ARHGEF18: variants seen among roughly 807,000 people sequenced by gnomAD.
The protein encoded by ARHGEF18 is rho guanine nucleotide exchange factor 18.
A neutral mutation model predicts 155.7 loss-of-function variants in ARHGEF18; 93 were observed. That is an observed-to-expected ratio of 0.60 (90% CI 0.50 to 0.71). The LOEUF (loss-of-function observed/expected upper bound fraction) is 0.71. Among genes scored for constraint, ARHGEF18 ranks in the 30% least tolerant of loss-of-function variants. ARHGEF18 has a pLI of 0.00. For synonymous variants in ARHGEF18, 742 were observed against 753.1 expected, an observed-to-expected ratio of 0.99 and a Z score of 0.24; for missense variants, 1,593 against 1,816.1, an observed-to-expected ratio of 0.88 and a Z score of 2.23.
At chr19:7,404,664 C>T (rs1386158645) in intron 10 of ARHGEF18, among the ~76,000 whole-genome samples, 1 of 151,718 alleles carries the variant, frequency 6.6e-6, no homozygotes, top group Non-Finnish European at 1.5e-5. Flanking sequence ...TTTGCCATGT[C>T]TCTATTAAAA....
chr19:7,409,808 C>T lies in ARHGEF18; in HGVS notation c.967+26605C>T, dbSNP rs181255497. ...TTATTGAGATGGAGTCTCACTCTGTCGCCTAGGCTGGAGTGCAGTGGTGCA... is the reference window on the plus strand; with the variant it reads ...TTATTGAGATGGAGTCTCACTCTGTTGCCTAGGCTGGAGTGCAGTGGTGCA... On this transcript the variant is annotated intron_variant, in intron 10 of 28. Coordinates refer to ENST00000668164, the MANE Select transcript of ARHGEF18 (RefSeq NM_001367823.1). Among the ~76,000 whole-genome samples, 106 of 137,586 alleles carry T rather than the reference C, an allele frequency of 7.7e-4. 1 individual carries two copies. Among genetic ancestry groups the T allele is most frequent in the Middle Eastern group, 4.5e-3 (1 of 224 alleles). 90.3% of individuals were successfully genotyped at this position (137,586 alleles called of 152,430 possible).
downstream of ARHGEF18, among the ~76,000 whole-genome samples, chr19:7,475,525 A>AAC (rs145950630): frequency 0.026 from 3,843 of 150,434 alleles, 120 homozygotes; most frequent in African/African-American, 0.078. Context: ...AAACTGTTTA[A>AAC]ACACACACAC....
downstream of ARHGEF18, among the ~76,000 whole-genome samples, chr19:7,474,334 G>A (rs967321412): frequency 5.3e-5 from 8 of 150,488 alleles, no homozygotes; most frequent in Non-Finnish European, 8.9e-5. Context: ...GTGAGACTTC[G>A]TCTCAAAAAA....
chr19:7,410,173 C>G (rs1972590924), intron 10 of ARHGEF18, among the ~76,000 whole-genome samples: 1 of 152,036 alleles, frequency 6.6e-6, no homozygotes, highest in Non-Finnish European at 1.5e-5. Context: ...AATACTTTCC[C>G]CGCCCATTGA....
Position 7,441,674 on chromosome 19 carries a change from T to C in ARHGEF18, c.1128T>C (p.Asp376=). The C allele has an allele frequency of 6.2e-7, 1 of 1,614,198 alleles. No homozygotes were observed. The highest frequency in any genetic ancestry group is 8.5e-7 in the Non-Finnish European group (1 of 1,180,032). The change falls in exon 12 of 29, where the codon GAT becomes GAC. Residue 376 remains aspartate, a synonymous_variant. Transcript: ENST00000668164. The part of the protein sequence containing the change: ...TQLGPITGEM[D]EADSAFLKFK... ...TCAGACCAATCACAGGAGAGATGGA[T>C]GAAGCCGATTCTGCGTTTTTAAAAT...
rs561785328 is a variant in ARHGEF18, at chr19:7,445,275, G to A, written c.1611+821G>A. Among the ~76,000 whole-genome samples, 205 of 152,182 alleles carry A rather than the reference G, an allele frequency of 1.3e-3. 2 individuals are homozygous for A. Among genetic ancestry groups the A allele is most frequent in the African/African-American group, 4.8e-3 (198 of 41,530 alleles). On this transcript the variant is annotated intron_variant, in intron 14 of 28. Transcript: ENST00000668164. ...AGCCTGGGCAACATAGCAAGACCCC[G>A]TATCTACAAAACATGAAAATAAATT... is the stretch of plus-strand genomic sequence containing the variant.
At chr19:7,412,251 G>A (rs111737927) in intron 10 of ARHGEF18, among the ~76,000 whole-genome samples, 3,875 of 151,384 alleles carry the variant, frequency 0.026, 155 homozygotes, top group African/African-American at 0.089. Context: ...TCCTGACTTC[G>A]TATTCCGGCC....
intron 7 of ARHGEF18, among the ~76,000 whole-genome samples, chr19:7,380,472 C>T (rs889693735): frequency 2.2e-5 from 3 of 136,508 alleles, no homozygotes; most frequent in Non-Finnish European, 4.7e-5. Context: ...GAGCGAGACT[C>T]CATCTCAAAA....
intron 1 of ARHGEF18, among the ~76,000 whole-genome samples, chr19:7,349,647 G>A (rs540524143): frequency 2.0e-5 from 3 of 152,098 alleles, no homozygotes; most frequent in Non-Finnish European, 2.9e-5. Context: ...GCGTGGTGGC[G>A]GGCAGCTGTA....
chr19:7,394,984 C>T (rs1971605951), intron 10 of ARHGEF18: 2 of 925,750 alleles, frequency 2.2e-6, no homozygotes, highest in African/African-American at 1.8e-5. Context: ...CGAGCCGACG[C>T]CCCCTCACCA....
At chr19:7,441,537 GGA>G (rs1483844448) in intron 11 of ARHGEF18, 114 bp from the exon 12 acceptor site, 15 of 757,720 alleles carry the variant, frequency 2.0e-5, no homozygotes, top group African/African-American at 1.6e-4. Context: ...GTGAAAATGT[GGA>G]GAGTTCTCAG....
At chr19:7,477,284 C>T (rs758288828), downstream of ARHGEF18, 1 of 1,584,820 alleles carries the variant, frequency 6.3e-7, no homozygotes, top group South Asian at 1.1e-5. Flanking sequence ...GCCCATGAGG[C>T]CCACTAGCCA....
chr19:7,375,294 G>A (rs201925304), intron 3 of ARHGEF18, among the ~76,000 whole-genome samples: 4 of 70,860 alleles, frequency 5.6e-5, no homozygotes, highest in African/African-American at 2.0e-4. Flanking sequence ...AGAAAGAAAA[G>A]AAAGAAAGAA....
downstream of ARHGEF18, among the ~76,000 whole-genome samples, chr19:7,473,808 C>CA (rs35797777): frequency 8.1e-3 from 642 of 79,258 alleles, 4 homozygotes; most frequent in Middle Eastern, 0.012. Context: ...GACTCCGTCT[C>CA]AAAAAAAAAA....
At chr19:7,477,232 G>A (rs7256275), downstream of ARHGEF18, 132,444 of 1,535,104 alleles carry the variant, frequency 0.086, 6,967 homozygotes, top group African/African-American at 0.21. Flanking sequence ...CCTGGCCGCC[G>A]GCCCGGGCCG....
At chr19:7,464,448 A>G in intron 22 of ARHGEF18, 112 bp from the exon 23 acceptor site, 6 of 1,374,780 alleles carry the variant, frequency 4.4e-6, no homozygotes, top group Non-Finnish European at 5.9e-6. Context: ...AGACGCCACC[A>G]TTCGGGCCTA....
chr19:7,448,383 C>T (rs533524145), intron 15 of ARHGEF18, among the ~76,000 whole-genome samples: 119 of 152,254 alleles, frequency 7.8e-4, no homozygotes, highest in Non-Finnish European at 1.4e-3. Context: ...AGGCGTAGGC[C>T]GGGCACAGTG....
chr19:7,381,541 G>C (rs1970735020), intron 8 of ARHGEF18, among the ~76,000 whole-genome samples: 1 of 152,036 alleles, frequency 6.6e-6, no homozygotes, highest in African/African-American at 2.4e-5. Context: ...AGCCGGATGT[G>C]GTGGCGGGTG....
the ARHGEF18 span, chr19:7,478,435 C>A: frequency 6.5e-7 from 1 of 1,531,850 alleles, no homozygotes; most frequent in South Asian, 1.2e-5. Context: ...GTTAGCTCCA[C>A]AACGCTGGCC....
Sources: allele counts gnomAD v4.1 joint callset (sites outside exome capture counted in the v4.1 genomes callset), GRCh38; gene constraint gnomAD v4.1.1; transcripts MANE v1.5; gene names NCBI Gene and HGNC (gene_info 2026-07-23, HGNC 2026-07-21).